MSRA: variants seen among roughly 807,000 people sequenced by gnomAD.
MSRA encodes mitochondrial peptide methionine sulfoxide reductase.
Under a neutral mutation model 31.3 loss-of-function variants are expected in MSRA, and 54 were observed. That is an observed-to-expected ratio of 1.73 (90% CI 1.39 to 2.17). The LOEUF is 2.17. Among genes scored for constraint, MSRA ranks in the 30% most tolerant of loss-of-function variants. MSRA has a pLI of 0.00. For missense variants in MSRA, 507 were observed against 300.9 expected (o/e 1.69, Z -5.07); for synonymous variants, 169 against 116.5 (o/e 1.45, Z -2.90).
chr8:10,257,506 A>T (rs1312569334), intron 3 of MSRA, among the ~76,000 whole-genome samples: 1 of 152,160 alleles, frequency 6.6e-6, no homozygotes, highest in Non-Finnish European at 1.5e-5. Flanking sequence ...TCCCTGGCTC[A>T]AGCGATTCTC....
chr8:10,417,068 T>C (rs13258627), intron 5 of MSRA, among the ~76,000 whole-genome samples: 44,284 of 152,110 alleles, frequency 0.29, 6,630 homozygotes, highest in Non-Finnish European at 0.33. Flanking sequence ...GCGCTGCAGC[T>C]GTACGAAGAA....
intron 3 of MSRA, among the ~76,000 whole-genome samples, chr8:10,251,277 A>G (rs915698215): frequency 6.6e-6 from 1 of 152,024 alleles, no homozygotes; most frequent in Non-Finnish European, 1.5e-5. Flanking sequence ...TGTATCTTAC[A>G]TGAGATGAAT....
intron 1 of MSRA, among the ~76,000 whole-genome samples, chr8:10,122,313 G>A (rs572101124): frequency 3.3e-5 from 5 of 152,334 alleles, no homozygotes; most frequent in South Asian, 4.1e-4. Flanking sequence ...GGGAGCACCC[G>A]CCTGGAGAAG....
rs533449294 is a variant in MSRA at position 10,344,551 on chromosome 8, G to T, written c.543+24562G>T. On this transcript the variant is annotated intron_variant, in intron 5 of 5. Transcript: ENST00000317173. ...ATTGCGCCACTGACACTCCAGCCTG[G>T]GTGACAGAGGGAGACTCCGTCTCAA... 2.3e-5 allele frequency among the ~76,000 whole-genome samples: 3 copies of T among 132,544 alleles called. No homozygotes were observed. In the Admixed American group the frequency reaches 2.6e-4, roughly 11 times the overall value. 87.0% of individuals were successfully genotyped at this position (132,544 alleles called of 152,430 possible).
rs150187300 is a variant in MSRA, at chr8:10,247,906, A to G, written c.331+2683A>G. On this transcript the variant is annotated intron_variant, in intron 3 of 5. Transcript: ENST00000317173. ...TGGGAATAACAGGGAAGGAGAACAA[A>G]TAAGGTCCCTCGCTAGAGTAATTAT... Among the ~76,000 whole-genome samples the G allele has an allele frequency of 4.1e-4, 63 of 152,318 alleles. No homozygotes were observed. In the East Asian group the frequency reaches 0.012, roughly 29 times the overall value.
intron 2 of MSRA, among the ~76,000 whole-genome samples, chr8:10,233,427 G>A (rs1182194070): frequency 2.0e-5 from 3 of 152,132 alleles, no homozygotes; most frequent in African/African-American, 7.2e-5. Flanking sequence ...ACAAACAAAA[G>A]CATTTTAAAA....
At chr8:10,055,669 A>G (rs1563378772) in intron 1 of MSRA, among the ~76,000 whole-genome samples, 1 of 152,276 alleles carries the variant, frequency 6.6e-6, no homozygotes, top group Non-Finnish European at 1.5e-5. Flanking sequence ...TGTTTAATCT[A>G]CACATGGCTC....
chr8:10,110,364 G>A (rs959548955), intron 1 of MSRA, among the ~76,000 whole-genome samples: 2 of 152,034 alleles, frequency 1.3e-5, no homozygotes, highest in Admixed American at 6.6e-5. Context: ...TTGTTCTCCA[G>A]CCTCCCTCCC....
intron 1 of MSRA, among the ~76,000 whole-genome samples, chr8:10,184,686 A>G (rs1203537200): frequency 1.3e-5 from 2 of 152,094 alleles, no homozygotes; most frequent in Non-Finnish European, 2.9e-5. Flanking sequence ...TCACTGATCT[A>G]CTTAACAACT....
intron 1 of MSRA, among the ~76,000 whole-genome samples, chr8:10,136,131 G>C (rs1286943437): frequency 6.6e-6 from 1 of 152,188 alleles, no homozygotes; most frequent in Non-Finnish European, 1.5e-5. Context: ...CACATGGGCT[G>C]TAACTTAGAA....
intron 1 of MSRA, among the ~76,000 whole-genome samples, chr8:10,088,892 A>C (rs1338098652): frequency 3.3e-5 from 5 of 152,226 alleles, no homozygotes; most frequent in Admixed American, 3.3e-4. Context: ...AGAGAGAGAA[A>C]TATTACATAA....
chr8:10,220,691 C>T (rs1397545064), intron 2 of MSRA, among the ~76,000 whole-genome samples: 1 of 152,210 alleles, frequency 6.6e-6, no homozygotes, highest in African/African-American at 2.4e-5. Flanking sequence ...TGGGAGCCTG[C>T]GTCCATCTTT....
chr8:10,286,801 G>A (rs1304324460), intron 3 of MSRA, among the ~76,000 whole-genome samples: 2 of 152,218 alleles, frequency 1.3e-5, no homozygotes, highest in Non-Finnish European at 2.9e-5. Flanking sequence ...GGCCTGTCCA[G>A]CTGGGACAGA....
intron 5 of MSRA, among the ~76,000 whole-genome samples, chr8:10,353,339 C>T (rs1491001264): frequency 6.6e-6 from 1 of 152,220 alleles, no homozygotes; most frequent in East Asian, 1.9e-4. Context: ...AATATATATA[C>T]ATGAAAGAAA....
chr8:10,274,781 G>A (rs11774503), intron 3 of MSRA, among the ~76,000 whole-genome samples: 81,801 of 151,610 alleles, frequency 0.54, 22,343 homozygotes, highest in Non-Finnish European at 0.57. Flanking sequence ...TCAGCCATCT[G>A]TCCATCCACT....
chr8:10,280,158 C>T (rs1799542468), intron 3 of MSRA, among the ~76,000 whole-genome samples: 2 of 151,844 alleles, frequency 1.3e-5, no homozygotes, highest in Admixed American at 1.3e-4. Flanking sequence ...GTTATGGCCC[C>T]CTTTTATTTG....
At chr8:10,192,516 T>C (rs979948423) in intron 1 of MSRA, among the ~76,000 whole-genome samples, 2 of 152,238 alleles carry the variant, frequency 1.3e-5, no homozygotes, top group Non-Finnish European at 2.9e-5. Context: ...TACCTTGCAA[T>C]TGAACAGTGG....
intron 1 of MSRA, among the ~76,000 whole-genome samples, chr8:10,103,117 T>A (rs1308321851): frequency 6.6e-6 from 1 of 152,154 alleles, no homozygotes; most frequent in African/African-American, 2.4e-5. Flanking sequence ...TTTAGAAAAA[T>A]TATTTTTAAA....
At chr8:10,399,201 C>A (rs190863547) in intron 5 of MSRA, among the ~76,000 whole-genome samples, 6 of 152,292 alleles carry the variant, frequency 3.9e-5, no homozygotes, top group African/African-American at 1.4e-4. Context: ...CAAAGGTGAA[C>A]AGAGGACAAT....
Sources: allele counts gnomAD v4.1 joint callset (sites outside exome capture counted in the v4.1 genomes callset), GRCh38; gene constraint gnomAD v4.1.1; transcripts MANE v1.5; gene names NCBI Gene and HGNC (gene_info 2026-07-23, HGNC 2026-07-21).